The following ERC2 variants were observed in gnomAD, a reference collection of about 807,000 sequenced individuals.
ERC2 encodes the protein ERC protein 2.
ERC2 carries 42 observed loss-of-function variants against 114.8 expected under a neutral mutation model. That is an observed-to-expected ratio of 0.37 (90% confidence interval 0.29 to 0.47). The LOEUF (loss-of-function observed/expected upper bound fraction) is 0.47. Ranked by LOEUF, ERC2 falls within the 20% of genes least tolerant of loss-of-function variation. The pLI is 0.99. For synonymous variants in ERC2, 454 were observed against 425.5 expected, an observed-to-expected ratio of 1.07 and a Z score of -0.82; for missense variants, 939 against 1,150.7, an observed-to-expected ratio of 0.82 and a Z score of 2.66.
At chr3:56,212,690 T>C (rs529543185) in intron 3 of ERC2, among the ~76,000 whole-genome samples, 108 of 152,256 alleles carry the variant, frequency 7.1e-4, no homozygotes, top group African/African-American at 2.4e-3. Flanking sequence ...TGCAAAAATA[T>C]GGAACCAGCC....
chr3:56,068,006 T>C (rs1391001763), intron 7 of ERC2, among the ~76,000 whole-genome samples: 1 of 152,142 alleles, frequency 6.6e-6, no homozygotes, highest in African/African-American at 2.4e-5. Flanking sequence ...TTTTTTGTTG[T>C]TGTTGTGTCT....
At chr3:55,838,176 G>C (rs192047613) in intron 14 of ERC2, among the ~76,000 whole-genome samples, 42 of 151,678 alleles carry the variant, frequency 2.8e-4, no homozygotes, top group Non-Finnish European at 3.8e-4. Flanking sequence ...TCAACAACGG[G>C]ATAGAAGATC....
At chr3:56,265,746 A>C (rs963364089) in intron 3 of ERC2, among the ~76,000 whole-genome samples, 3 of 152,138 alleles carry the variant, frequency 2.0e-5, no homozygotes, top group African/African-American at 7.2e-5. Context: ...AAAACTCAAT[A>C]GGCCAGGCAC....
chr3:56,168,982 A>G lies in ERC2; in HGVS notation c.1149+4464T>C, dbSNP rs997611613. ...TAAAAAAAAAGCCTGGTGGGGACAA[A>G]TGTCACTCAAGAGGAACAACTCAAG... On this transcript the variant is annotated intron_variant, in intron 4 of 17. Coordinates refer to ENST00000288221, the MANE Select transcript of ERC2 (RefSeq NM_015576.3). Among the ~76,000 whole-genome samples, 35 of 152,176 alleles carry G rather than the reference A, an allele frequency of 2.3e-4. 1 individual carries two copies. The highest frequency in any genetic ancestry group is 1.5e-5 in the Non-Finnish European group (1 of 68,024).
At chr3:56,108,607 A>G (rs1466417708) in intron 6 of ERC2, among the ~76,000 whole-genome samples, 1 of 152,160 alleles carries the variant, frequency 6.6e-6, no homozygotes. Flanking sequence ...CAGGAAAATA[A>G]TTGACAGTAT....
At chr3:56,234,239 T>C (rs1319793374) in intron 3 of ERC2, among the ~76,000 whole-genome samples, 6 of 152,228 alleles carry the variant, frequency 3.9e-5, no homozygotes, top group Non-Finnish European at 7.3e-5. Flanking sequence ...CACTCTTTTC[T>C]TGAAATGATT....
intron 14 of ERC2, among the ~76,000 whole-genome samples, chr3:55,751,809 C>T (rs1317731906): frequency 6.6e-6 from 1 of 152,100 alleles, no homozygotes; most frequent in African/African-American, 2.4e-5. Context: ...CGAGAAAATC[C>T]CAGGGAAATA....
intron 14 of ERC2, among the ~76,000 whole-genome samples, chr3:55,822,805 G>A (rs2060182725): frequency 6.6e-6 from 1 of 152,008 alleles, no homozygotes; most frequent in Admixed American, 6.5e-5. Flanking sequence ...GGTAGAGACG[G>A]GGTTTCACCG....
At chr3:56,166,341 T>C (rs1051852614) in intron 4 of ERC2, among the ~76,000 whole-genome samples, 5 of 152,062 alleles carry the variant, frequency 3.3e-5, no homozygotes, top group Admixed American at 3.3e-4. Flanking sequence ...TTTTTTGTAA[T>C]ATATTTGCTG....
intron 1 of ERC2, among the ~76,000 whole-genome samples, chr3:56,448,168 C>G (rs554250942): frequency 6.6e-6 from 1 of 152,160 alleles, no homozygotes; most frequent in Non-Finnish European, 1.5e-5. Flanking sequence ...CCCAAAAGCA[C>G]TTCCATACCT....
At chr3:55,539,387 CTT>C (rs2054217600) in intron 17 of ERC2, among the ~76,000 whole-genome samples, 1 of 89,970 alleles carries the variant, frequency 1.1e-5, no homozygotes, top group African/African-American at 3.9e-5. Context: ...TTTCTTTTTT[CTT>C]TCTCTCTCTC....
chr3:55,864,930 A>G (rs2062231864), intron 14 of ERC2, among the ~76,000 whole-genome samples: 1 of 152,182 alleles, frequency 6.6e-6, no homozygotes, highest in South Asian at 2.1e-4. Context: ...CAACACCATT[A>G]TCACCATCAT....
At chr3:55,848,150 A>G (rs1219907555) in intron 14 of ERC2, among the ~76,000 whole-genome samples, 1 of 152,142 alleles carries the variant, frequency 6.6e-6, no homozygotes, top group East Asian at 1.9e-4. Flanking sequence ...TAACAAAACT[A>G]AGTAACTGAA....
chr3:55,955,715 C>T (rs926824768), intron 12 of ERC2, among the ~76,000 whole-genome samples: 3 of 152,122 alleles, frequency 2.0e-5, no homozygotes, highest in African/African-American at 7.2e-5. Context: ...TTATACCAGT[C>T]TTTTTGTGGA....
At chr3:55,990,368 T>C (rs955850999) in intron 11 of ERC2, among the ~76,000 whole-genome samples, 2 of 152,208 alleles carry the variant, frequency 1.3e-5, no homozygotes, top group African/African-American at 2.4e-5. Context: ...CCAAATATTA[T>C]ACCGGAAAAT....
intron 17 of ERC2, among the ~76,000 whole-genome samples, chr3:55,646,865 A>G (rs1366319726): frequency 6.6e-6 from 1 of 152,238 alleles, no homozygotes; most frequent in Non-Finnish European, 1.5e-5. Flanking sequence ...TACAATTTAC[A>G]TAAGGTCACA....
At chr3:55,867,827 A>G (rs1348695795) in intron 14 of ERC2, among the ~76,000 whole-genome samples, 15 of 152,308 alleles carry the variant, frequency 9.8e-5, no homozygotes. Context: ...AAAATGTCAA[A>G]TAAGAGAAAG....
rs372600658 is a variant in ERC2, at chr3:55,787,434, G to A, written c.2565-52516C>T. Reference sequence around the variant, plus strand: ...CCTGCCTCAAAAATAAAAAAGAATGGTATTTATTTATTAATACCTAGTAGG... The same window carrying A: ...CCTGCCTCAAAAATAAAAAAGAATGATATTTATTTATTAATACCTAGTAGG... On this transcript the variant is annotated intron_variant, in intron 14 of 17. Coordinates refer to ENST00000288221, the MANE Select transcript of ERC2 (RefSeq NM_015576.3). Among the ~76,000 whole-genome samples the A allele has an allele frequency of 7.9e-5, 12 of 152,070 alleles. No individual in the cohort carries two copies. The East Asian group carries it at 2.1e-3, about 27-fold the overall frequency.
intron 6 of ERC2, among the ~76,000 whole-genome samples, chr3:56,106,268 C>T (rs1018885979): frequency 6.6e-6 from 1 of 152,170 alleles, no homozygotes; most frequent in Non-Finnish European, 1.5e-5. Flanking sequence ...CGCCTGGCAG[C>T]ACCTCCAGAG....
Sources: allele counts gnomAD v4.1 joint callset (sites outside exome capture counted in the v4.1 genomes callset), GRCh38; gene constraint gnomAD v4.1.1; transcripts MANE v1.5; gene names NCBI Gene and HGNC (gene_info 2026-07-23, HGNC 2026-07-21).